MYH11: variants seen among roughly 807,000 people sequenced by gnomAD.
MYH11 encodes myosin-11.
MYH11 carries 80 observed loss-of-function variants against 246.6 expected under a neutral mutation model. The observed-to-expected ratio is 0.32, with a 90% CI of 0.27 to 0.39. MYH11 has a LOEUF of 0.39. MYH11 is among the 10% of genes least tolerant of loss of function. The probability of loss-of-function intolerance (pLI) is 1.00; values close to 1 mark genes in which losing one functional copy is unlikely to be tolerated. For missense variants in MYH11, 2,158 were observed against 2,546.8 expected (o/e 0.85, Z 3.29); for synonymous variants, 1,071 against 1,015.5 (o/e 1.05, Z -1.04).
chr16:15,709,123 G>T (rs1011707099), intron 40 of MYH11, among the ~76,000 whole-genome samples: 1 of 149,906 alleles, frequency 6.7e-6, no homozygotes, highest in Non-Finnish European at 1.5e-5. Context: ...TGTATTTTTA[G>T]TACAGATGGG....
chr16:15,769,361 G>A (rs957166477), intron 9 of MYH11, among the ~76,000 whole-genome samples: 2 of 152,318 alleles, frequency 1.3e-5, no homozygotes, highest in South Asian at 2.1e-4. Flanking sequence ...TTAGCCAGGC[G>A]TGGTAGCACA....
At chr16:15,821,924 CAAA>C (rs35907978) in intron 3 of MYH11, among the ~76,000 whole-genome samples, 2 of 107,342 alleles carry the variant, frequency 1.9e-5, no homozygotes, top group Non-Finnish European at 2.0e-5. Context: ...GACTCCGTCT[CAAA>C]AAAAAAAAAA....
At chr16:15,804,340 G>A (rs568613578) in intron 3 of MYH11, among the ~76,000 whole-genome samples, 7 of 152,022 alleles carry the variant, frequency 4.6e-5, no homozygotes, top group South Asian at 2.1e-4. Flanking sequence ...AGACCAACAC[G>A]GCAAAACCCC....
In MYH11 at chr16:15,724,245, C is replaced by T. The variant is rs1060504021; in HGVS notation, c.4281G>A (p.Gln1427=). Residue 1427 remains glutamine (Q), a synonymous_variant, in exon 31 of 41, where the codon CAG becomes CAA. Coordinates refer to ENST00000300036, the MANE Select transcript of MYH11 (RefSeq NM_002474.3). The part of the protein sequence containing the change: ...KLEKTKNRLQ[Q]ELDDLVVDLD... Reference sequence around the variant, plus strand: ...AATCAACAACCAGGTCGTCCAGCTCCTGCTGAAGCCTGTTCTTGGTCTTTT... The same window carrying T: ...AATCAACAACCAGGTCGTCCAGCTCTTGCTGAAGCCTGTTCTTGGTCTTTT... 2 of 1,614,228 alleles carry T rather than the reference C, an allele frequency of 1.2e-6. No individual in the cohort carries two copies. Among genetic ancestry groups the T allele is most frequent in the Non-Finnish European group, 1.7e-6 (2 of 1,180,050 alleles).
intron 7 of MYH11, among the ~76,000 whole-genome samples, chr16:15,778,002 G>A (rs1480872497): frequency 1.3e-5 from 2 of 152,084 alleles, no homozygotes; most frequent in East Asian, 3.9e-4. Context: ...GAGGACCTCA[G>A]GTGCAGAAAG....
In MYH11 at chr16:15,717,134, G is replaced by A. The variant is rs371348553; in HGVS notation, c.5504+6C>T. 32 of 1,613,948 alleles carry A rather than the reference G, an allele frequency of 2.0e-5. No homozygotes were observed. The highest frequency in any genetic ancestry group is 5.0e-5 in the Admixed American group (3 of 59,994). ...AAACTGGGTTCGGAACTCCACACCC[G>A]CATACCTGGCCTCCTGCTCGACCTG... On this transcript the variant is annotated splice_donor_region_variant and intron_variant, in intron 38 of 40. Coordinates refer to ENST00000300036, the MANE Select transcript of MYH11 (RefSeq NM_002474.3).
At chr16:15,828,946 A>G (rs1177948208) in intron 2 of MYH11, among the ~76,000 whole-genome samples, 2 of 149,548 alleles carry the variant, frequency 1.3e-5, no homozygotes, top group Non-Finnish European at 1.5e-5. Flanking sequence ...CACTTTGGGA[A>G]ATCGAGGAGG....
At chr16:15,797,521 T>C (rs958823055) in intron 4 of MYH11, among the ~76,000 whole-genome samples, 3 of 149,106 alleles carry the variant, frequency 2.0e-5, no homozygotes, top group Admixed American at 1.3e-4. Context: ...ATAGCTTTAG[T>C]TGCTTCCAGA....
chr16:15,814,331 T>C (rs532138529), intron 3 of MYH11, among the ~76,000 whole-genome samples: 4 of 151,774 alleles, frequency 2.6e-5, no homozygotes, highest in Admixed American at 2.6e-4. Flanking sequence ...GTTGGGTGGA[T>C]CACCTAAGGT....
intron 40 of MYH11, among the ~76,000 whole-genome samples, chr16:15,705,675 A>G (rs182190179): frequency 1.3e-5 from 2 of 152,242 alleles, no homozygotes; most frequent in East Asian, 1.9e-4. Context: ...TCAGTGACCA[A>G]TTCTTTAGTC....
At position 15,838,049 on chromosome 16, in the gene MYH11, C is replaced by G. The variant is rs111777997; in HGVS notation, c.204G>C (p.Lys68Asn). 4.5e-5 allele frequency: 72 copies of G among 1,614,014 alleles called. No individual in the cohort carries two copies. The highest frequency in any genetic ancestry group is 3.3e-4 in the Middle Eastern group (2 of 6,084). Residue 68 changes from lysine (K) to asparagine (N), a missense_variant, in exon 2 of 41, where the codon AAG becomes AAC. Physicochemically the swap from Lys to Asn is moderately conservative, Grantham distance 94 (BLOSUM62 0). Transcript: ENST00000300036. ...VVVELVENGK[K>N]VTVGKDDIQK... is the part of the protein sequence containing the mutation. Reference sequence around the variant, plus strand: ...GGATGTCATCTTTCCCAACCGTGACCTTCTTGCCATTCTCCACCAGCTCCA... The same window carrying G: ...GGATGTCATCTTTCCCAACCGTGACGTTCTTGCCATTCTCCACCAGCTCCA...
chr16:15,761,778 G>A (rs760454373), intron 10 of MYH11, among the ~76,000 whole-genome samples: 8 of 151,942 alleles, frequency 5.3e-5, no homozygotes, highest in East Asian at 3.9e-4. Context: ...CTTGGCATCC[G>A]GATTCCATTA....
intron 3 of MYH11, among the ~76,000 whole-genome samples, chr16:15,806,106 G>A (rs904473386): frequency 2.0e-4 from 31 of 151,252 alleles, no homozygotes; most frequent in African/African-American, 5.1e-4. Flanking sequence ...GTGAAACCCC[G>A]TCTCTACTAA....
chr16:15,827,495 G>T (rs1465185283), intron 2 of MYH11, among the ~76,000 whole-genome samples: 1 of 152,098 alleles, frequency 6.6e-6, no homozygotes, highest in African/African-American at 2.4e-5. Context: ...AGGTAAGCGG[G>T]GCCCAGGAGC....
In MYH11 at chr16:15,724,390, T is replaced by A. The variant is rs1333178035; in HGVS notation, c.4136A>T (p.Lys1379Met). 6.2e-7 allele frequency: 1 copy of A among 1,613,876 alleles called. No homozygotes were observed. The highest frequency in any genetic ancestry group is 1.3e-5 in the African/African-American group (1 of 74,912). ...LNIQLSDSKK[K>M]LQDFASTVEA... ...CACGGTGCTGGCAAAGTCCTGCAGC[T>A]TCTTCTTCGAGTCGGAGAGCTACAA... is the stretch of plus-strand genomic sequence containing the variant. The change falls in exon 31 of 41, where the codon AAG (lysine) becomes ATG (methionine). Residue 1379 changes from lysine to methionine, a missense_variant. Around this residue, in one of 11 missense-constraint regions of MYH11, gnomAD observed 1,013 missense variants for 993.5 expected, o/e 1.02. Transcript: ENST00000300036.
intron 2 of MYH11, among the ~76,000 whole-genome samples, chr16:15,827,823 C>T (rs1224370844): frequency 6.6e-6 from 1 of 152,178 alleles, no homozygotes; most frequent in Non-Finnish European, 1.5e-5. Flanking sequence ...CTACACTGAG[C>T]CAGGCCAGGG....
At chr16:15,790,553 G>T (rs2042584891) in intron 4 of MYH11, among the ~76,000 whole-genome samples, 1 of 152,170 alleles carries the variant, frequency 6.6e-6, no homozygotes, top group African/African-American at 2.4e-5. Context: ...GGCGTCTGAA[G>T]GTTGATGTGC....
At chr16:15,716,961 C>T (rs1165546383) in intron 38 of MYH11, among the ~76,000 whole-genome samples, 179 bp downstream of exon 38, 3 of 152,234 alleles carry the variant, frequency 2.0e-5, no homozygotes, top group Non-Finnish European at 4.4e-5. Context: ...GGCCAGGAAC[C>T]AGCAGGGCAC....
rs770952173 is a variant in MYH11, at chr16:15,750,598, C to T, written c.1865-267G>A. On this transcript the variant is annotated intron_variant, in intron 15 of 40. Coordinates refer to ENST00000300036, the MANE Select transcript of MYH11 (RefSeq NM_002474.3). This position sits in a 1 kb window ranked among gnomAD's most constrained non-coding sequence, Gnocchi z 4.3. ...TCTCGCTGTCCACTCACTGACTAGC[C>T]TTGGCTTGGCACTATCCTGTGCCTC... 6.6e-6 allele frequency among the ~76,000 whole-genome samples: 1 copy of T among 152,190 alleles called. No individual in the cohort carries two copies. Among genetic ancestry groups the T allele is most frequent in the Non-Finnish European group, 1.5e-5 (1 of 68,036 alleles).
Sources: allele counts gnomAD v4.1 joint callset (sites outside exome capture counted in the v4.1 genomes callset), GRCh38; gene constraint gnomAD v4.1.1; regional missense constraint gnomAD v4.1.1; non-coding constraint Gnocchi (gnomAD v3.1); transcripts MANE v1.5; gene names NCBI Gene and HGNC (gene_info 2026-07-23, HGNC 2026-07-21).